Variants in KCNIP3 observed in about 807,000 individuals in gnomAD.
KCNIP3 encodes the protein potassium voltage-gated channel interacting protein 3.
KCNIP3 carries 28 observed loss-of-function variants against 35.0 expected under a neutral mutation model. That is an observed-to-expected ratio of 0.80 (90% confidence interval 0.59 to 1.10). KCNIP3 has a LOEUF of 1.10. KCNIP3 is among the 50% of genes least tolerant of loss of function. KCNIP3 has a pLI of 0.00. For missense variants in KCNIP3, 295 were observed against 338.4 expected, an observed-to-expected ratio of 0.87 and a Z score of 1.01; for synonymous variants, 134 against 133.8, an observed-to-expected ratio of 1.00 and a Z score of -0.01.
intron 2 of KCNIP3, among the ~76,000 whole-genome samples, chr2:95,319,342 G>A (rs1329684087): frequency 2.6e-5 from 4 of 152,192 alleles, no homozygotes; most frequent in African/African-American, 9.7e-5. Flanking sequence ...CAAAAGAGAG[G>A]GGAATGCTGT....
rs1680495089 is a variant in KCNIP3, at chr2:95,386,030, A to G, written c.*1981A>G. The G allele has an allele frequency of 6.6e-6, 1 of 152,214 alleles. No homozygotes were observed. Among genetic ancestry groups the G allele is most frequent in the African/African-American group, 2.4e-5 (1 of 41,442 alleles). The allele number at this position is 152,214 out of a possible 1,614,324, so 9.4% of individuals were successfully genotyped here. On this transcript the variant is annotated 3_prime_UTR_variant, in exon 9 of 9. Transcript: ENST00000295225. ...AGGGTGGTTCCTGTTCTCAGCATCC[A>G]CTAATATTCAGTCCTGTATATTTTA...
At chr2:95,372,408 T>A (rs1680062151) in intron 2 of KCNIP3, among the ~76,000 whole-genome samples, 1 of 152,158 alleles carries the variant, frequency 6.6e-6, no homozygotes, top group Non-Finnish European at 1.5e-5. Flanking sequence ...AGAGTCTATG[T>A]GGGATGCTTG....
intron 5 of KCNIP3, among the ~76,000 whole-genome samples, 159 bp downstream of exon 5, chr2:95,375,367 GGCCAGTGA>G (rs1680158756): frequency 6.6e-6 from 1 of 151,988 alleles, no homozygotes; most frequent in African/African-American, 2.4e-5. Context: ...GCTGGCCCTG[GGCCAGTGA>G]GCTCTGGGGT....
At chr2:95,345,647 AGCCGCGCT>A (rs1253221987) in intron 2 of KCNIP3, among the ~76,000 whole-genome samples, 4 of 152,254 alleles carry the variant, frequency 2.6e-5, no homozygotes, top group Non-Finnish European at 5.9e-5. Flanking sequence ...TGCGGGCCGT[AGCCGCGCT>A]GCCGCGCTGA....
intron 2 of KCNIP3, chr2:95,346,966 C>A: frequency 7.2e-7 from 1 of 1,386,260 alleles, no homozygotes; most frequent in South Asian, 1.3e-5. Flanking sequence ...TCCGAGGCAG[C>A]GCGTGGGCGA....
rs1473284024 is a variant in KCNIP3 at position 95,382,212 on chromosome 2, C to T, written c.556-165C>T. On this transcript the variant is annotated intron_variant, in intron 6 of 8. Transcript: ENST00000295225. This position sits in a 1 kb window ranked among gnomAD's most constrained non-coding sequence, Gnocchi z 4.5. The stretch of plus-strand genomic sequence containing the variant: ...TGAGCTTCCCCTAGAGTCAGAAGCT[C>T]GCTCTGGGTGCCCTGGAAGCGGACA... Among the ~76,000 whole-genome samples, 3 of 152,212 alleles carry T rather than the reference C, an allele frequency of 2.0e-5. No homozygotes were observed. Among genetic ancestry groups the T allele is most frequent in the African/African-American group, 4.8e-5 (2 of 41,464 alleles).
At chr2:95,333,290 C>T (rs1334325331) in intron 2 of KCNIP3, among the ~76,000 whole-genome samples, 2 of 152,218 alleles carry the variant, frequency 1.3e-5, no homozygotes, top group African/African-American at 4.8e-5. Flanking sequence ...CATGTAGTGC[C>T]ACATCTGGCA....
At chr2:95,357,900 T>C (rs1348417035) in intron 2 of KCNIP3, among the ~76,000 whole-genome samples, 1 of 152,180 alleles carries the variant, frequency 6.6e-6, no homozygotes, top group Non-Finnish European at 1.5e-5. Context: ...CACCCCTGGC[T>C]TCTGTGTGTG....
chr2:95,313,510 C>T (rs1678374644), intron 2 of KCNIP3: 1 of 152,304 alleles, frequency 6.6e-6, no homozygotes, highest in Non-Finnish European at 1.5e-5. Flanking sequence ...GGACCCTCTT[C>T]CATGACCCGG....
intron 2 of KCNIP3, among the ~76,000 whole-genome samples, chr2:95,318,210 C>T (rs954810274): frequency 6.6e-5 from 10 of 152,102 alleles, no homozygotes; most frequent in Admixed American, 2.0e-4. Context: ...GATGGGGAGC[C>T]GCTGGCTTCT....
At chr2:95,347,332 G>A (rs1679401999) in intron 2 of KCNIP3, among the ~76,000 whole-genome samples, 1 of 152,198 alleles carries the variant, frequency 6.6e-6, no homozygotes, top group African/African-American at 2.4e-5. Context: ...GCTTGGGCTG[G>A]GTGTGAGTGA....
intron 3 of KCNIP3, 104 bp downstream of exon 3, chr2:95,374,524 G>A: frequency 1.4e-6 from 2 of 1,399,318 alleles, no homozygotes; most frequent in South Asian, 1.4e-5. Context: ...CCTTTAAGGG[G>A]CTTATGTGTT....
chr2:95,327,931 C>G (rs547839376), intron 2 of KCNIP3, among the ~76,000 whole-genome samples: 77 of 152,366 alleles, frequency 5.1e-4, no homozygotes, highest in African/African-American at 1.8e-3. Flanking sequence ...AACTTCCATG[C>G]TAAACTTGCC....
chr2:95,344,898 C>G (rs1320139669), intron 2 of KCNIP3, among the ~76,000 whole-genome samples: 2 of 152,214 alleles, frequency 1.3e-5, no homozygotes, highest in African/African-American at 2.4e-5. Flanking sequence ...CTAATGGAGG[C>G]TGAGCCGGCA....
At chr2:95,365,955 TATTTTAATTTAATTTA>T (rs1416438528) in intron 2 of KCNIP3, among the ~76,000 whole-genome samples, 12 of 152,166 alleles carry the variant, frequency 7.9e-5, no homozygotes, top group African/African-American at 2.9e-4. Context: ...TGGAACAATT[TATTTTAATTTAATTTA>T]ATTTTAATTT....
chr2:95,361,912 C>T (rs1229032876), intron 2 of KCNIP3, among the ~76,000 whole-genome samples: 2 of 152,152 alleles, frequency 1.3e-5, no homozygotes, highest in Admixed American at 6.5e-5. Context: ...ATAACACAGA[C>T]TGAAGGACTT....
chr2:95,374,939 C>T, intron 4 of KCNIP3, 22 bp downstream of exon 4: 6 of 1,612,710 alleles, frequency 3.7e-6, no homozygotes, highest in Admixed American at 1.7e-5. Flanking sequence ...GCAGGGCAGC[C>T]CTGCTGTGTC....
intron 2 of KCNIP3, among the ~76,000 whole-genome samples, chr2:95,352,805 C>G (rs917238529): frequency 2.0e-5 from 3 of 152,206 alleles, no homozygotes; most frequent in Non-Finnish European, 4.4e-5. Flanking sequence ...CTGGCAATGC[C>G]GGACCTTCCT....
At chr2:95,348,601 C>T (rs546144219) in intron 2 of KCNIP3, among the ~76,000 whole-genome samples, 5 of 152,312 alleles carry the variant, frequency 3.3e-5, no homozygotes, top group African/African-American at 9.6e-5. Flanking sequence ...CACCCACAGT[C>T]GGGGGCAGTG....
Sources: allele counts gnomAD v4.1 joint callset (sites outside exome capture counted in the v4.1 genomes callset), GRCh38; gene constraint gnomAD v4.1.1; non-coding constraint Gnocchi (gnomAD v3.1); transcripts MANE v1.5; gene names NCBI Gene and HGNC (gene_info 2026-07-23, HGNC 2026-07-21).